Variants in SGCD observed in about 807,000 individuals in gnomAD.
SGCD encodes sarcoglycan delta.
SGCD carries 18 observed loss-of-function variants against 36.6 expected under a neutral mutation model. The observed-to-expected ratio is 0.49, with a 90% confidence interval of 0.34 to 0.73. SGCD has a LOEUF of 0.73. Among genes scored for constraint, SGCD ranks in the 30% least tolerant of loss-of-function variants. The pLI, the probability that SGCD is intolerant of heterozygous loss-of-function variation, is 0.01. For synonymous variants in SGCD, 133 were observed against 130.6 expected, an observed-to-expected ratio of 1.02 and a Z score of -0.12; for missense variants, 387 against 346.7, an observed-to-expected ratio of 1.12 and a Z score of -0.92.
At chr5:156,699,443 G>A (rs554915275) in intron 7 of SGCD, among the ~76,000 whole-genome samples, 6 of 152,044 alleles carry the variant, frequency 3.9e-5, no homozygotes, top group East Asian at 3.9e-4. Flanking sequence ...ACCTGCATGC[G>A]GAGTTTGATG....
At chr5:156,072,164 C>T (rs981504666) in intron 1 of SGCD, among the ~76,000 whole-genome samples, 3 of 149,282 alleles carry the variant, frequency 2.0e-5, no homozygotes, top group African/African-American at 7.8e-5. Flanking sequence ...TGAATTTGAT[C>T]CTGTCATTAT....
intron 1 of SGCD, among the ~76,000 whole-genome samples, chr5:155,939,644 C>A (rs1391285352): frequency 1.5e-3 from 193 of 126,960 alleles, no homozygotes; most frequent in Non-Finnish European, 2.0e-3. Context: ...GACTCTCTCT[C>A]AAAAAAAAAA....
chr5:156,116,224 T>A (rs1308392114), intron 1 of SGCD, among the ~76,000 whole-genome samples: 1 of 152,088 alleles, frequency 6.6e-6, no homozygotes, highest in Non-Finnish European at 1.5e-5. Context: ...GTTTTCTGTC[T>A]CCTTTTTTTC....
chr5:156,135,026 C>T (rs1561534010), intron 3 of SGCD, among the ~76,000 whole-genome samples: 1 of 152,136 alleles, frequency 6.6e-6, no homozygotes, highest in Non-Finnish European at 1.5e-5. Context: ...GAAATTCAAG[C>T]TCTTCAAGGC....
chr5:156,598,576 A>G (rs1561804842), intron 6 of SGCD, among the ~76,000 whole-genome samples: 1 of 152,028 alleles, frequency 6.6e-6, no homozygotes, highest in Non-Finnish European at 1.5e-5. Flanking sequence ...ACTTTGCTGT[A>G]CCAGCTGTAA....
At chr5:155,872,811 G>A (rs1755682556) in intron 1 of SGCD, among the ~76,000 whole-genome samples, 1 of 152,136 alleles carries the variant, frequency 6.6e-6, no homozygotes, top group South Asian at 2.1e-4. Context: ...CAAGATTTAC[G>A]TGTATAACAT....
chr5:155,993,223 T>C (rs1758471657), intron 1 of SGCD, among the ~76,000 whole-genome samples: 1 of 152,196 alleles, frequency 6.6e-6, no homozygotes, highest in African/African-American at 2.4e-5. Context: ...TCCCCCTGCA[T>C]TGTGTGTTGT....
chr5:156,205,992 T>A lies in SGCD; in HGVS notation c.-44+81973T>A, dbSNP rs113362082. ...ATATGTGTGTGTATATATATATATTTTATATATATATATTATATATTATAT... is the reference window on the plus strand; with the variant it reads ...ATATGTGTGTGTATATATATATATTATATATATATATATTATATATTATAT... On this transcript the variant is annotated intron_variant, in intron 3 of 9. Transcript: ENST00000517913. Among the ~76,000 whole-genome samples the A allele has an allele frequency of 1.3e-3, 191 of 146,816 alleles. 1 individual carries two copies. The highest frequency in any genetic ancestry group is 3.9e-3 in the African/African-American group (159 of 40,476).
chr5:156,684,158 T>C (rs183803625), intron 7 of SGCD, among the ~76,000 whole-genome samples: 1 of 152,264 alleles, frequency 6.6e-6, no homozygotes, highest in African/African-American at 2.4e-5. Flanking sequence ...CATAAGATGT[T>C]ATGAATTACC....
intron 1 of SGCD, among the ~76,000 whole-genome samples, chr5:156,018,224 C>T (rs745784237): frequency 5.3e-5 from 8 of 152,028 alleles, no homozygotes; most frequent in Non-Finnish European, 1.0e-4. Context: ...TGTTAAGATC[C>T]TATTTGTGAT....
chr5:156,626,659 T>C (rs1440437651), intron 6 of SGCD, among the ~76,000 whole-genome samples: 1 of 152,212 alleles, frequency 6.6e-6, no homozygotes, highest in Non-Finnish European at 1.5e-5. Context: ...TATGTAATCT[T>C]ATAGTTGAAG....
intron 1 of SGCD, among the ~76,000 whole-genome samples, chr5:156,013,924 A>G (rs893300228): frequency 6.0e-5 from 9 of 151,176 alleles, no homozygotes; most frequent in African/African-American, 1.9e-4. Context: ...CTTTGTGTGT[A>G]CGTGTGTTTA....
rs975810416 is a variant in SGCD at position 156,767,092 on chromosome 5, G to A, written c.*7702G>A. On this transcript the variant is annotated 3_prime_UTR_variant, in exon 9 of 9. Transcript: ENST00000337851. ...TTTTAATGGTTTAAGACATCCAAATGGCAAGCCAGGAATAGATACCATTAA... is the reference window on the plus strand; with the variant it reads ...TTTTAATGGTTTAAGACATCCAAATAGCAAGCCAGGAATAGATACCATTAA... The A allele has an allele frequency of 1.6e-4, 24 of 152,032 alleles. No individual in the cohort carries two copies. Among genetic ancestry groups the A allele is most frequent in the African/African-American group, 5.8e-4 (24 of 41,374 alleles). 9.4% of individuals were successfully genotyped at this position (152,032 alleles called of 1,614,324 possible). A position where few individuals can be genotyped will look rare whatever the true frequency, so the allele number is the denominator to read the frequency against.
chr5:155,853,213 A>G, the SGCD span, among the ~76,000 whole-genome samples: 1 of 150,494 alleles, frequency 6.6e-6, no homozygotes, highest in Non-Finnish European at 1.5e-5. Context: ...GTTAGCATGC[A>G]TTGATCGATA....
intron 3 of SGCD, among the ~76,000 whole-genome samples, chr5:156,388,041 A>C (rs970218181): frequency 2.0e-5 from 3 of 152,196 alleles, no homozygotes; most frequent in Non-Finnish European, 4.4e-5. Context: ...TTTCAGGCTC[A>C]GTTGATATTG....
At chr5:156,024,517 T>A (rs1471458342) in intron 1 of SGCD, among the ~76,000 whole-genome samples, 1 of 152,044 alleles carries the variant, frequency 6.6e-6, no homozygotes, top group African/African-American at 2.4e-5. Context: ...TTCCTCTACC[T>A]TTTTTGTAGG....
chr5:155,789,386 T>A, the SGCD span, among the ~76,000 whole-genome samples: 1 of 152,122 alleles, frequency 6.6e-6, no homozygotes, highest in South Asian at 2.1e-4. Context: ...CCAGATAGCA[T>A]AAAATTTAGA....
chr5:156,683,850 C>T (rs1386536580), intron 7 of SGCD, among the ~76,000 whole-genome samples: 1 of 152,244 alleles, frequency 6.6e-6, no homozygotes, highest in Non-Finnish European at 1.5e-5. Flanking sequence ...AGTGCCAGCA[C>T]ACAGAGACAT....
At chr5:155,913,470 AG>A (rs139532553) in intron 1 of SGCD, among the ~76,000 whole-genome samples, 4,465 of 152,242 alleles carry the variant, frequency 0.029, 234 homozygotes, top group African/African-American at 0.1. Flanking sequence ...GGAACCTTTT[AG>A]GGAAATCCAC....
Sources: allele counts gnomAD v4.1 joint callset (sites outside exome capture counted in the v4.1 genomes callset), GRCh38; gene constraint gnomAD v4.1.1; transcripts MANE v1.5; gene names NCBI Gene and HGNC (gene_info 2026-07-23, HGNC 2026-07-21).